GADL1: variants seen among roughly 807,000 people sequenced by gnomAD.
GADL1 encodes the protein acidic amino acid decarboxylase GADL1.
GADL1 carries 71 observed loss-of-function variants against 69.5 expected under a neutral mutation model. That is an observed-to-expected ratio of 1.02 (90% CI 0.84 to 1.25). The LOEUF (loss-of-function observed/expected upper bound fraction) is 1.25, where lower values mean the gene tolerates loss of function less well. GADL1 is among the 50% of genes most tolerant of loss of function. GADL1 has a pLI of 0.00. For synonymous variants in GADL1, 254 were observed against 214.4 expected (o/e 1.18, Z -1.62); for missense variants, 737 against 631.8 (o/e 1.17, Z -1.79).
In GADL1 at chr3:30,776,200, C is replaced by A. The variant is rs540522165; in HGVS notation, c.1392+1979G>T. Among the ~76,000 whole-genome samples the A allele has an allele frequency of 2.8e-4, 42 of 152,256 alleles. 1 individual carries two copies. In the South Asian group the frequency reaches 8.7e-3, roughly 32 times the overall value. On this transcript the variant is annotated intron_variant, in intron 14 of 14. Transcript: ENST00000282538. ...CTAGTTATTCTAATCCCTGTCAGTC[C>A]AACAGTACTGAGTTAGACACAAATA... is the stretch of plus-strand genomic sequence containing the variant.
At chr3:30,836,399 A>T (rs538855647) in intron 9 of GADL1, among the ~76,000 whole-genome samples, 1 of 148,510 alleles carries the variant, frequency 6.7e-6, no homozygotes, top group Non-Finnish European at 1.5e-5. Context: ...TTATTCCTTA[A>T]AAAAAAAAAA....
intron 14 of GADL1, among the ~76,000 whole-genome samples, chr3:30,741,188 T>TTGTGTGTG (rs1553634688): frequency 9.5e-6 from 1 of 105,674 alleles, no homozygotes; most frequent in Admixed American, 8.4e-5. Context: ...TATTATATAA[T>TTGTGTGTG]TATGTGTGTG....
intron 14 of GADL1, among the ~76,000 whole-genome samples, chr3:30,754,129 G>GTA (rs935299638): frequency 6.6e-6 from 1 of 152,146 alleles, no homozygotes; most frequent in Non-Finnish European, 1.5e-5. Context: ...TCCCAAATAA[G>GTA]TAAAAACCCT....
chr3:30,780,906 A>G (rs541579230), intron 13 of GADL1, among the ~76,000 whole-genome samples: 27 of 152,210 alleles, frequency 1.8e-4, no homozygotes, highest in Non-Finnish European at 3.7e-4. Flanking sequence ...GCAAAAATAT[A>G]TTTGACTTTT....
chr3:30,768,112 T>G (rs1696327584), intron 14 of GADL1, among the ~76,000 whole-genome samples: 2 of 150,756 alleles, frequency 1.3e-5, no homozygotes, highest in Admixed American at 1.3e-4. Flanking sequence ...ACTGCTGGCA[T>G]TGCAAATGTA....
At chr3:30,891,017 G>A (rs1559370298) in intron 1 of GADL1, among the ~76,000 whole-genome samples, 3 of 146,376 alleles carry the variant, frequency 2.0e-5, no homozygotes, top group Non-Finnish European at 3.0e-5. Context: ...GTCGGCTAGA[G>A]TATTTACTTT....
At chr3:30,860,362 T>C (rs1698302908) in intron 2 of GADL1, among the ~76,000 whole-genome samples, 2 of 152,080 alleles carry the variant, frequency 1.3e-5, no homozygotes, top group South Asian at 4.1e-4. Context: ...GCTTTAGTCA[T>C]AGCTAATACT....
intron 12 of GADL1, among the ~76,000 whole-genome samples, chr3:30,794,298 T>TTTG (rs3043720): frequency 0.82 from 124,783 of 151,732 alleles, 51,588 homozygotes; most frequent in African/African-American, 0.9. Flanking sequence ...TCCTGAGCTG[T>TTTG]TTGTTGTTGA....
intron 12 of GADL1, among the ~76,000 whole-genome samples, chr3:30,795,558 A>G (rs972853987): frequency 1.1e-4 from 16 of 152,188 alleles, no homozygotes; most frequent in African/African-American, 3.9e-4. Context: ...ATACCACTGC[A>G]TATAGGCTTA....
intron 1 of GADL1, among the ~76,000 whole-genome samples, chr3:30,885,809 G>A (rs1415789096): frequency 2.6e-5 from 4 of 151,750 alleles, no homozygotes; most frequent in Non-Finnish European, 5.9e-5. Context: ...ATCTCACCAT[G>A]CTGCCCAGGC....
At chr3:30,833,346 C>T (rs1697821706) in intron 11 of GADL1, among the ~76,000 whole-genome samples, 1 of 152,078 alleles carries the variant, frequency 6.6e-6, no homozygotes, top group Non-Finnish European at 1.5e-5. Context: ...AAGTACCAAC[C>T]ACTTGGGATG....
intron 11 of GADL1, among the ~76,000 whole-genome samples, chr3:30,814,306 T>G (rs1697417737): frequency 6.6e-6 from 1 of 152,160 alleles, no homozygotes; most frequent in African/African-American, 2.4e-5. Flanking sequence ...TCCCAGAATT[T>G]CCCAGTTCAA....
rs561235001 is a variant in GADL1 at position 30,854,204 on chromosome 3, GCA to G, written c.428+493_428+494del. On this transcript the variant is annotated intron_variant, in intron 4 of 14. Coordinates refer to ENST00000282538, the MANE Select transcript of GADL1 (RefSeq NM_207359.3). ...CAGTGTCAACTGTCATCTTTGCAGA[GCA>G]CACTCTCCTGAGCTTCCAACTAGGA... Among the ~76,000 whole-genome samples the G allele has an allele frequency of 9.3e-4, 142 of 152,262 alleles. 1 individual carries two copies. The highest frequency in any genetic ancestry group is 3.4e-3 in the Middle Eastern group (1 of 294).
At chr3:30,745,311 T>G (rs559508268) in intron 14 of GADL1, among the ~76,000 whole-genome samples, 2 of 152,312 alleles carry the variant, frequency 1.3e-5, no homozygotes, top group Non-Finnish European at 2.9e-5. Flanking sequence ...AATTCAAACT[T>G]ACGGTAATGA....
chr3:30,806,178 C>A (rs1396341341), intron 11 of GADL1, among the ~76,000 whole-genome samples: 1 of 152,090 alleles, frequency 6.6e-6, no homozygotes, highest in African/African-American at 2.4e-5. Flanking sequence ...ATGGCCCTTC[C>A]TATATTCTGT....
chr3:30,795,764 C>T (rs545724092), intron 12 of GADL1, among the ~76,000 whole-genome samples: 2 of 152,192 alleles, frequency 1.3e-5, no homozygotes, highest in African/African-American at 4.8e-5. Flanking sequence ...AATTACATGC[C>T]TCAAAGTACT....
chr3:30,826,009 A>T (rs1311339094), intron 11 of GADL1, among the ~76,000 whole-genome samples: 2 of 151,986 alleles, frequency 1.3e-5, no homozygotes. Flanking sequence ...CCATTAAAAA[A>T]TAGTAAAACC....
At chr3:30,748,146 C>G (rs1304391861) in intron 14 of GADL1, among the ~76,000 whole-genome samples, 1 of 152,168 alleles carries the variant, frequency 6.6e-6, no homozygotes, top group Admixed American at 6.5e-5. Context: ...TCACCTTCCT[C>G]CTGGACCAAA....
At chr3:30,791,967 C>T (rs551001724) in intron 12 of GADL1, among the ~76,000 whole-genome samples, 31 of 152,246 alleles carry the variant, frequency 2.0e-4, no homozygotes, top group Admixed American at 1.9e-3. Context: ...TGAGGCCTCC[C>T]CAGCCACATG....
Sources: gnomAD v4.1 joint callset for allele counts (sites outside exome capture counted in the v4.1 genomes callset) on GRCh38, gnomAD v4.1.1 for gene constraint, MANE v1.5 for transcripts, NCBI Gene and HGNC (gene_info 2026-07-23, HGNC 2026-07-21) for gene names.